SIPA1L1: variants seen among roughly 807,000 people sequenced by gnomAD.
The protein encoded by SIPA1L1 is signal induced proliferation associated 1 like 1, also known as signal-induced proliferation-associated 1-like protein 1.
SIPA1L1 carries 26 observed loss-of-function variants against 162.7 expected under a neutral mutation model. That is an observed-to-expected ratio of 0.16 (90% confidence interval 0.12 to 0.22). The LOEUF is 0.22. SIPA1L1 is among the 10% of genes least tolerant of loss of function. SIPA1L1 has a pLI of 1.00. For missense variants in SIPA1L1, 1,874 were observed against 2,241.0 expected (o/e 0.84, Z 3.31); for synonymous variants, 829 against 837.4 (o/e 0.99, Z 0.17).
chr14:71,644,213 G>A (rs1024779551), intron 7 of SIPA1L1, among the ~76,000 whole-genome samples: 2 of 151,748 alleles, frequency 1.3e-5, no homozygotes, highest in African/African-American at 4.8e-5. Flanking sequence ...CATGCACTTT[G>A]AATGAATCTT....
chr14:71,540,642 A>T (rs2054294872), intron 4 of SIPA1L1, among the ~76,000 whole-genome samples: 1 of 152,246 alleles, frequency 6.6e-6, no homozygotes, highest in Admixed American at 6.5e-5. Flanking sequence ...GAAAAAGAAT[A>T]CAGTGACAAG....
chr14:71,461,338 T>C lies in SIPA1L1; in HGVS notation c.-464-51405T>C, dbSNP rs375321318. 4.3e-4 allele frequency among the ~76,000 whole-genome samples: 66 copies of C among 152,304 alleles called. 1 individual carries two copies. The South Asian group carries it at 0.013, about 31-fold the overall frequency. ...GACAGCCTTGGTGAGTGGAAGTCCA[T>C]GTTGTTGAGCTCATATGTAACCTCC... On this transcript the variant is annotated intron_variant, in intron 2 of 23. Transcript: ENST00000381232.
chr14:71,672,386 G>A lies in SIPA1L1; in HGVS notation c.2868G>A (p.Leu956=). 6.2e-7 allele frequency: 1 copy of A among 1,614,220 alleles called. No homozygotes were observed. Among genetic ancestry groups the A allele is most frequent in the Non-Finnish European group, 8.5e-7 (1 of 1,180,032 alleles). Residue 956 remains leucine, a synonymous_variant, in exon 12 of 24, where the codon CTG becomes CTA. Coordinates refer to ENST00000381232, the MANE Select transcript of SIPA1L1 (RefSeq NM_001386936.1). ...SKGCESVEMT[L]RRNGLGQLGF... ...GCTGTGAATCGGTGGAGATGACTCT[G>A]CGAAGAAATGGGCTAGGACAGCTTG...
chr14:71,418,525 G>A (rs192176277), intron 2 of SIPA1L1, among the ~76,000 whole-genome samples: 9 of 152,304 alleles, frequency 5.9e-5, no homozygotes, highest in African/African-American at 1.9e-4. Flanking sequence ...AAAGTTGGGT[G>A]ACATGAGCAT....
At chr14:71,697,950 G>GA (rs2081778260) in intron 13 of SIPA1L1, among the ~76,000 whole-genome samples, 1 of 151,212 alleles carries the variant, frequency 6.6e-6, no homozygotes, top group African/African-American at 2.4e-5. Context: ...AAAAACCACA[G>GA]AAAACAGGCC....
intron 7 of SIPA1L1, among the ~76,000 whole-genome samples, chr14:71,627,173 T>C (rs1236799797): frequency 9.2e-6 from 1 of 108,980 alleles, no homozygotes; most frequent in African/African-American, 3.8e-5. Context: ...TTTTTTTTTT[T>C]TGAGACAGGG....
chr14:71,550,500 G>C (rs777284884), intron 4 of SIPA1L1, among the ~76,000 whole-genome samples: 4 of 152,092 alleles, frequency 2.6e-5, no homozygotes, highest in African/African-American at 4.8e-5. Flanking sequence ...AAAACATGGA[G>C]TTCAAGTCTG....
rs142481026 is a variant in SIPA1L1, at chr14:71,709,441, C to T, written c.3985C>T (p.Pro1329Ser). The T allele has an allele frequency of 6.2e-6, 10 of 1,614,118 alleles. No individual in the cohort carries two copies. Among genetic ancestry groups the T allele is most frequent in the African/African-American group, 1.3e-5 (1 of 74,930 alleles). The stretch of plus-strand genomic sequence containing the variant: ...CTCGCTGGGGGCTGCCACATCGTCA[C>T]CTCGCTCAGGGCCAGGCAAGGAGAA... Reference protein sequence around the residue: ...TASLGAATSSPRSGPGKEKVA... With the variant: ...TASLGAATSSSRSGPGKEKVA... The change falls in exon 17 of 24, where the codon CCT (proline) becomes TCT (serine). Residue 1329 changes from proline (P) to serine (S), a missense_variant. Pro to Ser is a moderately conservative substitution (Grantham distance 74). Transcript: ENST00000381232.
At chr14:71,326,169 C>CAA (rs1339678335) in intron 2 of SIPA1L1, among the ~76,000 whole-genome samples, 3 of 151,432 alleles carry the variant, frequency 2.0e-5, no homozygotes, top group Non-Finnish European at 4.4e-5. Flanking sequence ...AAGCTATGAA[C>CAA]AGGTATAGTC....
chr14:71,525,851 A>G (rs2052811783), intron 3 of SIPA1L1, among the ~76,000 whole-genome samples: 1 of 152,228 alleles, frequency 6.6e-6, no homozygotes, highest in South Asian at 2.1e-4. Context: ...TGTATTGCTT[A>G]CTTAGCAGAT....
At chr14:71,647,938 C>T (rs1180535743) in intron 7 of SIPA1L1, among the ~76,000 whole-genome samples, 1 of 151,910 alleles carries the variant, frequency 6.6e-6, no homozygotes, top group East Asian at 1.9e-4. Context: ...TGAACTAAGT[C>T]CCGAATGTGT....
intron 12 of SIPA1L1, among the ~76,000 whole-genome samples, chr14:71,678,007 C>T (rs924064756): frequency 3.3e-5 from 5 of 152,136 alleles, no homozygotes; most frequent in African/African-American, 9.7e-5. Flanking sequence ...TGAGACTTTG[C>T]TGAAGTTGCT....
chr14:71,540,441 G>A (rs2054277637), intron 4 of SIPA1L1, among the ~76,000 whole-genome samples: 1 of 152,184 alleles, frequency 6.6e-6, no homozygotes, highest in Non-Finnish European at 1.5e-5. Context: ...AGCACCTTGG[G>A]AGGCTGAGGT....
intron 12 of SIPA1L1, among the ~76,000 whole-genome samples, chr14:71,683,099 A>C (rs1417270817): frequency 6.6e-6 from 1 of 152,200 alleles, no homozygotes; most frequent in Non-Finnish European, 1.5e-5. Flanking sequence ...GGCTGTGGTG[A>C]ACCTTGATCA....
chr14:71,621,387 G>A (rs2039430162), intron 6 of SIPA1L1, among the ~76,000 whole-genome samples: 1 of 152,054 alleles, frequency 6.6e-6, no homozygotes, highest in Non-Finnish European at 1.5e-5. Flanking sequence ...AACTCCTCCT[G>A]GCTCAGTCTT....
intron 12 of SIPA1L1, among the ~76,000 whole-genome samples, chr14:71,679,630 A>G (rs980714774): frequency 6.6e-6 from 1 of 152,250 alleles, no homozygotes; most frequent in African/African-American, 2.4e-5. Context: ...ATTAAAAGAC[A>G]CAGACTGGCA....
chr14:71,422,924 T>C (rs1595383209), intron 2 of SIPA1L1, among the ~76,000 whole-genome samples: 2 of 152,344 alleles, frequency 1.3e-5, no homozygotes, highest in Admixed American at 1.3e-4. Flanking sequence ...ACAGTGGCTG[T>C]ACCATTTTAC....
At chr14:71,686,539 TTTTC>T (rs2080878242) in intron 13 of SIPA1L1, among the ~76,000 whole-genome samples, 1 of 152,158 alleles carries the variant, frequency 6.6e-6, no homozygotes, top group Non-Finnish European at 1.5e-5. Flanking sequence ...AACTTCTTTT[TTTTC>T]TTTCTTTTTT....
Position 71,588,062 on chromosome 14 carries a change from C to T in SIPA1L1, c.190C>T (p.His64Tyr), listed in dbSNP as rs2034828958. 3.1e-6 allele frequency: 5 copies of T among 1,613,996 alleles called. No individual in the cohort carries two copies. The highest frequency in any genetic ancestry group is 8.5e-7 in the Non-Finnish European group (1 of 1,179,996). Residue 64 changes from histidine to tyrosine, a missense_variant, in exon 5 of 24, where the codon CAT becomes TAT. Transcript: ENST00000381232. The surrounding 1 kb of genome is among the most constrained non-coding windows in gnomAD (Gnocchi z 4.3). Reference sequence around the variant, plus strand: ...ACCCCCCCGAAGTGAAGGTTCTCACCATATAACCTCAACCCCCGGAGTCCC... The same window carrying T: ...ACCCCCCCGAAGTGAAGGTTCTCACTATATAACCTCAACCCCCGGAGTCCC... ...VGPPRSEGSH[H>Y]ITSTPGVPKM...
Sources: allele counts gnomAD v4.1 joint callset (sites outside exome capture counted in the v4.1 genomes callset), GRCh38; gene constraint gnomAD v4.1.1; non-coding constraint Gnocchi (gnomAD v3.1); transcripts MANE v1.5; gene names NCBI Gene and HGNC (gene_info 2026-07-23, HGNC 2026-07-21).